Variants in ZBTB7C observed in about 807,000 individuals in gnomAD.
The protein encoded by ZBTB7C is zinc finger and BTB domain containing 7C.
In ZBTB7C, 8 loss-of-function variants were observed where a neutral mutation model predicts 25.7. That is an observed-to-expected ratio of 0.31 (90% CI 0.18 to 0.56). The LOEUF is 0.56. Ranked by LOEUF, ZBTB7C falls within the 20% of genes least tolerant of loss-of-function variation. The probability of loss-of-function intolerance (pLI) is 0.91; values close to 1 mark genes in which losing one functional copy is unlikely to be tolerated. For missense variants in ZBTB7C, 824 were observed against 855.2 expected (o/e 0.96, Z 0.46); for synonymous variants, 394 against 369.0 (o/e 1.07, Z -0.78).
At chr18:48,288,093 G>A (rs2045110861) in intron 2 of ZBTB7C, among the ~76,000 whole-genome samples, 1 of 152,154 alleles carries the variant, frequency 6.6e-6, no homozygotes, top group South Asian at 2.1e-4. Flanking sequence ...ATAAAAATTG[G>A]AAAGGAAGAA....
At chr18:48,030,394 C>T (rs927964003) in intron 4 of ZBTB7C, among the ~76,000 whole-genome samples, 7 of 152,274 alleles carry the variant, frequency 4.6e-5, no homozygotes, top group East Asian at 3.9e-4. Flanking sequence ...TCCCAGCCCC[C>T]GGGCTATTGA....
At chr18:48,104,083 T>G (rs902828398) in intron 3 of ZBTB7C, among the ~76,000 whole-genome samples, 4 of 152,130 alleles carry the variant, frequency 2.6e-5, no homozygotes, top group Non-Finnish European at 5.9e-5. Flanking sequence ...ATGAGTGGGT[T>G]GCATGGTATG....
chr18:48,099,269 G>A (rs76021660), intron 3 of ZBTB7C, among the ~76,000 whole-genome samples: 16,244 of 152,162 alleles, frequency 0.11, 1,911 homozygotes, highest in African/African-American at 0.28. Flanking sequence ...TTTTAGGAAG[G>A]GGCATCAGTG....
At chr18:48,355,338 G>T (rs1310038148) in intron 1 of ZBTB7C, among the ~76,000 whole-genome samples, 1 of 152,176 alleles carries the variant, frequency 6.6e-6, no homozygotes, top group Non-Finnish European at 1.5e-5. Flanking sequence ...GCTACTACTG[G>T]AAATCTGTTT....
At chr18:48,032,852 T>A (rs1336346120) in intron 4 of ZBTB7C, among the ~76,000 whole-genome samples, 8 of 152,148 alleles carry the variant, frequency 5.3e-5, no homozygotes, top group Non-Finnish European at 1.0e-4. Context: ...AAACTTCTCA[T>A]TAGTGTATCT....
Position 48,086,209 on chromosome 18 carries a change from A to G in ZBTB7C, c.-16-45086T>C, listed in dbSNP as rs140855465. ...CAGGAAGAAATCACCAAGTTCTTAG[A>G]CTGTGCCCCACTGTACAGATCCAAG... On this transcript the variant is annotated intron_variant, in intron 3 of 4. Coordinates refer to ENST00000590800, the MANE Select transcript of ZBTB7C (RefSeq NM_001318841.2). Among the ~76,000 whole-genome samples, 111 of 152,254 alleles carry G rather than the reference A, an allele frequency of 7.3e-4. 1 individual carries two copies. The highest frequency in any genetic ancestry group is 2.7e-3 in the African/African-American group (111 of 41,542).
intron 1 of ZBTB7C, among the ~76,000 whole-genome samples, chr18:48,348,395 C>T (rs915627090): frequency 6.6e-6 from 1 of 152,248 alleles, no homozygotes; most frequent in African/African-American, 2.4e-5. Context: ...CAAATCCTCA[C>T]CTACCTCATT....
intron 2 of ZBTB7C, among the ~76,000 whole-genome samples, chr18:48,206,370 T>A (rs2042576454): frequency 6.6e-6 from 1 of 152,138 alleles, no homozygotes; most frequent in Non-Finnish European, 1.5e-5. Flanking sequence ...TGGTGCTGAG[T>A]CAACTGGATA....
At chr18:48,185,151 A>G (rs567730228) in intron 3 of ZBTB7C, among the ~76,000 whole-genome samples, 14 of 151,688 alleles carry the variant, frequency 9.2e-5, no homozygotes, top group Non-Finnish European at 1.6e-4. Context: ...CCTCAGACCC[A>G]TGCCTACACC....
At chr18:48,103,081 T>C (rs1363318810) in intron 3 of ZBTB7C, among the ~76,000 whole-genome samples, 2 of 128,054 alleles carry the variant, frequency 1.6e-5, no homozygotes, top group African/African-American at 3.2e-5. Flanking sequence ...TTTTATATTA[T>C]ATATATCTTA....
chr18:48,157,240 T>G (rs147381082), intron 3 of ZBTB7C, among the ~76,000 whole-genome samples: 16 of 152,222 alleles, frequency 1.1e-4, no homozygotes, highest in African/African-American at 3.6e-4. Context: ...AACATAGCAA[T>G]ATAAATAGCA....
chr18:48,260,771 T>C (rs1366341712), intron 2 of ZBTB7C, among the ~76,000 whole-genome samples: 1 of 152,176 alleles, frequency 6.6e-6, no homozygotes, highest in Non-Finnish European at 1.5e-5. Context: ...CATAAGACCT[T>C]ATCTGAAAAG....
At chr18:48,406,027 G>C (rs1211137300) in intron 1 of ZBTB7C, among the ~76,000 whole-genome samples, 3 of 152,138 alleles carry the variant, frequency 2.0e-5, no homozygotes, top group Non-Finnish European at 4.4e-5. Context: ...TCATCCTGGG[G>C]AGAAGTCACT....
At chr18:48,066,876 C>T (rs112807644) in intron 3 of ZBTB7C, among the ~76,000 whole-genome samples, 21,613 of 152,052 alleles carry the variant, frequency 0.14, 2,089 homozygotes, top group African/African-American at 0.27. Flanking sequence ...CCAAGGCGGG[C>T]GGATTGCCTG....
intron 3 of ZBTB7C, among the ~76,000 whole-genome samples, chr18:48,120,711 G>A (rs1168430496): frequency 6.6e-6 from 1 of 152,242 alleles, no homozygotes; most frequent in Non-Finnish European, 1.5e-5. Context: ...GACACTGGGG[G>A]AGGAGGGAAA....
At chr18:48,397,447 CT>C (rs1037105729) in intron 1 of ZBTB7C, among the ~76,000 whole-genome samples, 1 of 152,160 alleles carries the variant, frequency 6.6e-6, no homozygotes, top group Non-Finnish European at 1.5e-5. Context: ...AGAATTTGGG[CT>C]CTGGAATCAG....
chr18:48,390,965 T>C (rs2047887685), intron 1 of ZBTB7C, among the ~76,000 whole-genome samples: 2 of 152,208 alleles, frequency 1.3e-5, no homozygotes, highest in Non-Finnish European at 2.9e-5. Flanking sequence ...TGAAGACAAC[T>C]GCCATGGGTG....
chr18:48,293,611 C>T (rs1156543024), intron 2 of ZBTB7C, among the ~76,000 whole-genome samples: 11 of 152,080 alleles, frequency 7.2e-5, no homozygotes, highest in Admixed American at 7.2e-4. Context: ...AGAATAAAAG[C>T]AGTCCAAAGA....
intron 3 of ZBTB7C, among the ~76,000 whole-genome samples, chr18:48,055,011 A>G (rs4468699): frequency 0.51 from 77,924 of 151,922 alleles, 20,405 homozygotes; most frequent in East Asian, 0.57. Context: ...CATGCTGTGT[A>G]AGTCTATAGA....
Sources: allele counts gnomAD v4.1 joint callset (sites outside exome capture counted in the v4.1 genomes callset), GRCh38; gene constraint gnomAD v4.1.1; transcripts MANE v1.5; gene names NCBI Gene and HGNC (gene_info 2026-07-23, HGNC 2026-07-21).